Variants in RASEF observed in about 807,000 individuals in gnomAD.
RASEF encodes RAS and EF-hand domain containing, also known as ras and EF-hand domain-containing protein.
RASEF carries 68 observed loss-of-function variants against 90.1 expected under a neutral mutation model. The ratio of observed to expected loss-of-function variants is 0.75; its 90% CI spans 0.62 to 0.92. The LOEUF (loss-of-function observed/expected upper bound fraction) is 0.92, where lower values mean the gene tolerates loss of function less well. Among genes scored for constraint, RASEF ranks in the 40% least tolerant of loss-of-function variants. The pLI, the probability that RASEF is intolerant of heterozygous loss-of-function variation, is 0.00. For missense variants in RASEF, 949 were observed against 937.2 expected (o/e 1.01, Z -0.16); for synonymous variants, 331 against 345.2 (o/e 0.96, Z 0.46).
At chr9:83,190,008 C>G in the RASEF span, among the ~76,000 whole-genome samples, 1 of 152,240 alleles carries the variant, frequency 6.6e-6, no homozygotes, top group African/African-American at 2.4e-5. Context: ...TCTAAGCTGC[C>G]CCAAATGTTC....
chr9:83,121,989 G>A, the RASEF span, among the ~76,000 whole-genome samples: 4 of 152,194 alleles, frequency 2.6e-5, no homozygotes, highest in Admixed American at 2.6e-4. Context: ...GAGTTGTTCT[G>A]GGGGTTAAAA....
chr9:83,058,927 G>A (rs1184102486), intron 1 of RASEF, among the ~76,000 whole-genome samples: 5 of 152,140 alleles, frequency 3.3e-5, no homozygotes, highest in African/African-American at 1.2e-4. Context: ...TGATTTTGAC[G>A]TCTCAACAAA....
rs1158298684 is a variant in RASEF, at chr9:83,001,064, C to T, written c.1269G>A (p.Arg423=). ...GCAGGCTGTCAACTTCACAATTTGT[C>T]CTCTGCAGAGGATCACAGAGGGCCA... ...DSLALCDPLQ[R]TNCEVDSLPE... is the part of the protein sequence containing the mutation. The change falls in exon 10 of 17, where the codon AGG becomes AGA. Residue 423 remains arginine, a synonymous_variant. Transcript: ENST00000376447. 2 of 1,614,162 alleles carry T rather than the reference C, an allele frequency of 1.2e-6. No homozygotes were observed. Among genetic ancestry groups the T allele is most frequent in the Admixed American group, 3.3e-5 (2 of 60,018 alleles).
chr9:83,176,055 C>T, the RASEF span, among the ~76,000 whole-genome samples: 2 of 152,146 alleles, frequency 1.3e-5, no homozygotes, highest in Non-Finnish European at 2.9e-5. Context: ...TATTCCATTT[C>T]CTTGTTGATA....
chr9:83,028,078 T>C (rs1481219272), intron 1 of RASEF, among the ~76,000 whole-genome samples: 1 of 152,208 alleles, frequency 6.6e-6, no homozygotes, highest in Non-Finnish European at 1.5e-5. Flanking sequence ...TTGAGAACAG[T>C]CAATTCTTTG....
intron 13 of RASEF, among the ~76,000 whole-genome samples, chr9:82,997,406 G>A (rs946772641): frequency 1.3e-5 from 2 of 152,184 alleles, no homozygotes; most frequent in Non-Finnish European, 2.9e-5. Flanking sequence ...GAAAGGTTGA[G>A]AGCACAGTTT....
chr9:83,100,399 C>T, the RASEF span, among the ~76,000 whole-genome samples: 1 of 152,170 alleles, frequency 6.6e-6, no homozygotes, highest in East Asian at 1.9e-4. Context: ...TACATCAGAA[C>T]ATCTTTTCAC....
At chr9:83,008,250 G>A (rs1257548293) in intron 6 of RASEF, among the ~76,000 whole-genome samples, 1 of 152,106 alleles carries the variant, frequency 6.6e-6, no homozygotes, top group Non-Finnish European at 1.5e-5. Flanking sequence ...TCTGCTCCCT[G>A]GATGATAAAA....
At chr9:83,110,639 A>G in the RASEF span, among the ~76,000 whole-genome samples, 2 of 152,154 alleles carry the variant, frequency 1.3e-5, no homozygotes, top group African/African-American at 4.8e-5. Context: ...AAGGCCTTAA[A>G]CAGATTCTTC....
At chr9:83,087,022 A>G in the RASEF span, among the ~76,000 whole-genome samples, 62 of 152,300 alleles carry the variant, frequency 4.1e-4, no homozygotes, top group East Asian at 0.01. Context: ...GAAAAAGGAT[A>G]ACTGTGATAG....
In RASEF at chr9:82,982,005, TA is replaced by T. The variant is rs1481788715; in HGVS notation, c.*671del. 2.6e-5 allele frequency: 4 copies of T among 152,234 alleles called. No homozygotes were observed. Among genetic ancestry groups the T allele is most frequent in the Non-Finnish European group, 2.9e-5 (2 of 68,046 alleles). 9.4% of individuals were successfully genotyped at this position (152,234 alleles called of 1,614,324 possible). On this transcript the variant is annotated 3_prime_UTR_variant, in exon 17 of 17. Transcript: ENST00000376447. ...AATAGATATTTCTGTTTCCATTTTT[TA>T]ATCAAATTCTGTCCTTATTTCAGAA... is the stretch of plus-strand genomic sequence containing the variant.
the RASEF span, among the ~76,000 whole-genome samples, chr9:83,137,999 T>C: frequency 2.4e-4 from 37 of 152,020 alleles, no homozygotes; most frequent in East Asian, 6.2e-3. Context: ...TTTTAAGATA[T>C]AGATACAATT....
At chr9:83,065,705 C>T (rs1244696291), upstream of RASEF, among the ~76,000 whole-genome samples, 1 of 152,152 alleles carries the variant, frequency 6.6e-6, no homozygotes, top group African/African-American at 2.4e-5. Context: ...GTCCTAACAT[C>T]CTGTTTATTC....
intron 8 of RASEF, 46 bp from the exon 9 acceptor site, chr9:83,004,632 T>C (rs770322961): frequency 8.3e-7 from 1 of 1,207,662 alleles, no homozygotes; most frequent in Admixed American, 1.7e-5. Flanking sequence ...AATTTTCATG[T>C]AAACATTTTA....
At chr9:83,126,799 A>C in the RASEF span, among the ~76,000 whole-genome samples, 37 of 152,362 alleles carry the variant, frequency 2.4e-4, no homozygotes, top group Admixed American at 1.0e-3. Flanking sequence ...AATTTTATTA[A>C]AAACACAATT....
At chr9:82,990,907 G>A (rs1188198147) in intron 15 of RASEF, among the ~76,000 whole-genome samples, 3 of 152,074 alleles carry the variant, frequency 2.0e-5, no homozygotes, top group Non-Finnish European at 2.9e-5. Flanking sequence ...CAGCCTCCAC[G>A]TTTGCTGAAA....
chr9:83,111,759 A>T, the RASEF span, among the ~76,000 whole-genome samples: 3 of 152,228 alleles, frequency 2.0e-5, no homozygotes, highest in African/African-American at 7.2e-5. Flanking sequence ...AAACAGAAAA[A>T]AATGGATGAA....
At chr9:83,016,304 C>T (rs1829341410) in intron 3 of RASEF, among the ~76,000 whole-genome samples, 1 of 151,996 alleles carries the variant, frequency 6.6e-6, no homozygotes, top group Non-Finnish European at 1.5e-5. Context: ...ACCCTTTTCC[C>T]TAGAGATGAT....
chr9:83,180,764 G>A, the RASEF span, among the ~76,000 whole-genome samples: 2 of 151,992 alleles, frequency 1.3e-5, no homozygotes, highest in Admixed American at 6.6e-5. Flanking sequence ...GGAAATCAGG[G>A]TATACTCAAC....
Sources: gnomAD v4.1 joint callset for allele counts (sites outside exome capture counted in the v4.1 genomes callset) on GRCh38, gnomAD v4.1.1 for gene constraint, MANE v1.5 for transcripts, NCBI Gene and HGNC (gene_info 2026-07-23, HGNC 2026-07-21) for gene names.